The following EPHA3 variants were observed in gnomAD, a reference collection of about 807,000 sequenced individuals.
The protein encoded by EPHA3 is EPH receptor A3.
A neutral mutation model predicts 107.1 loss-of-function variants in EPHA3; 42 were observed. That is an observed-to-expected ratio of 0.39 (90% CI 0.31 to 0.51). The LOEUF is 0.51. EPHA3 is among the 20% of genes least tolerant of loss of function. The pLI, the probability that EPHA3 is intolerant of heterozygous loss-of-function variation, is 0.78. For missense variants in EPHA3, 1,183 were observed against 1,211.2 expected (o/e 0.98, Z 0.35); for synonymous variants, 461 against 424.8 (o/e 1.09, Z -1.05).
chr3:89,350,982 C>A (rs1707800797), intron 5 of EPHA3, among the ~76,000 whole-genome samples: 1 of 151,488 alleles, frequency 6.6e-6, no homozygotes, highest in African/African-American at 2.4e-5. Flanking sequence ...GTTCTCAGAT[C>A]TCCAGCTGCG....
At chr3:89,147,827 A>G (rs1383645930) in intron 2 of EPHA3, among the ~76,000 whole-genome samples, 2 of 151,992 alleles carry the variant, frequency 1.3e-5, no homozygotes, top group Non-Finnish European at 1.5e-5. Context: ...AAAATGACTC[A>G]TATATTAGTG....
At chr3:89,351,086 C>T (rs981949139) in intron 5 of EPHA3, among the ~76,000 whole-genome samples, 1 of 151,258 alleles carries the variant, frequency 6.6e-6, no homozygotes, top group Non-Finnish European at 1.5e-5. Context: ...CTTTGCCCTG[C>T]CCCCAGAGGT....
At chr3:89,290,740 G>C (rs1357321067) in intron 3 of EPHA3, among the ~76,000 whole-genome samples, 1 of 152,004 alleles carries the variant, frequency 6.6e-6, no homozygotes, top group Admixed American at 6.6e-5. Flanking sequence ...TATTGTCACT[G>C]TGTGAGTTTT....
chr3:89,360,596 A>G (rs1252162421), intron 5 of EPHA3, among the ~76,000 whole-genome samples: 3 of 150,746 alleles, frequency 2.0e-5, no homozygotes, highest in Admixed American at 6.7e-5. Context: ...CAAGAATCTC[A>G]CCACTTCTTA....
chr3:89,218,160 T>G (rs1408041720), intron 3 of EPHA3, among the ~76,000 whole-genome samples: 2 of 151,644 alleles, frequency 1.3e-5, no homozygotes, highest in African/African-American at 4.9e-5. Context: ...ATTATTATGC[T>G]TTAAGTTTTA....
In EPHA3 at chr3:89,237,132, C is replaced by T. The variant is rs185834560; in HGVS notation, c.814+26612C>T. On this transcript the variant is annotated intron_variant, in intron 3 of 16. Coordinates refer to ENST00000336596, the MANE Select transcript of EPHA3 (RefSeq NM_005233.6). Reference sequence around the variant, plus strand: ...ATCCCAGCACTTTGGGAGGCCAAGGCGGTTGGATCACTTGAGGCCACGAGT... The same window carrying T: ...ATCCCAGCACTTTGGGAGGCCAAGGTGGTTGGATCACTTGAGGCCACGAGT... Among the ~76,000 whole-genome samples, 10 of 152,286 alleles carry T rather than the reference C, an allele frequency of 6.6e-5. No individual in the cohort carries two copies. The South Asian group carries it at 1.9e-3, about 28-fold the overall frequency.
intron 7 of EPHA3, among the ~76,000 whole-genome samples, chr3:89,404,550 T>C (rs1463436162): frequency 2.0e-5 from 3 of 152,164 alleles, no homozygotes; most frequent in South Asian, 2.1e-4. Flanking sequence ...TCAAGTTGAA[T>C]TATTAAGAAA....
At chr3:89,328,221 T>G (rs1322615128) in intron 3 of EPHA3, among the ~76,000 whole-genome samples, 1 of 152,222 alleles carries the variant, frequency 6.6e-6, no homozygotes, top group Non-Finnish European at 1.5e-5. Context: ...TGCTTTATTT[T>G]TTCCCTCTAC....
intron 7 of EPHA3, among the ~76,000 whole-genome samples, chr3:89,406,378 A>T (rs1208433299): frequency 6.6e-6 from 1 of 152,136 alleles, no homozygotes; most frequent in Non-Finnish European, 1.5e-5. Flanking sequence ...AAGTTTGAGA[A>T]GCATTGGTCT....
chr3:89,153,584 T>A, intron 2 of EPHA3, among the ~76,000 whole-genome samples: 1 of 152,032 alleles, frequency 6.6e-6, no homozygotes, highest in East Asian at 1.9e-4. Flanking sequence ...GTGGTGGCAA[T>A]TCTTGTTGAC....
intron 13 of EPHA3, 48 bp from the exon 14 acceptor site, chr3:89,449,177 A>G (rs567531520): frequency 2.7e-5 from 41 of 1,503,756 alleles, no homozygotes; most frequent in Non-Finnish European, 3.7e-5. Flanking sequence ...TGTATATTAT[A>G]TGTTCTATGC....
At chr3:89,135,186 C>G (rs536964319) in intron 2 of EPHA3, among the ~76,000 whole-genome samples, 4 of 152,262 alleles carry the variant, frequency 2.6e-5, no homozygotes, top group Admixed American at 2.6e-4. Context: ...GACCTCCTGA[C>G]TTTTCACAAG....
chr3:89,389,993 T>C (rs767892505), intron 5 of EPHA3, among the ~76,000 whole-genome samples: 3 of 151,658 alleles, frequency 2.0e-5, no homozygotes, highest in Non-Finnish European at 4.4e-5. Flanking sequence ...AATTATTAAC[T>C]TTTTTTAAAT....
chr3:89,448,349 G>A (rs1398002054), intron 13 of EPHA3, among the ~76,000 whole-genome samples: 1 of 152,082 alleles, frequency 6.6e-6, no homozygotes, highest in African/African-American at 2.4e-5. Flanking sequence ...GTTTTTCAGA[G>A]TAACTCATTA....
intron 1 of EPHA3, among the ~76,000 whole-genome samples, chr3:89,125,293 T>A (rs1366051017): frequency 6.6e-6 from 1 of 151,802 alleles, no homozygotes; most frequent in African/African-American, 2.4e-5. Flanking sequence ...AAATCCCATA[T>A]AAAGCTCAGA....
At chr3:89,109,102 C>G (rs1169641180) in intron 1 of EPHA3, among the ~76,000 whole-genome samples, 1 of 152,034 alleles carries the variant, frequency 6.6e-6, no homozygotes, top group African/African-American at 2.4e-5. Flanking sequence ...GCTAATAGAG[C>G]AGTAATTTAT....
chr3:89,185,246 T>C (rs1705535979), intron 2 of EPHA3, among the ~76,000 whole-genome samples: 1 of 152,046 alleles, frequency 6.6e-6, no homozygotes. Flanking sequence ...TTATTTTCTT[T>C]TAAAATATCA....
chr3:89,353,055 TA>T lies in EPHA3; in HGVS notation c.1306+10966del, dbSNP rs1272162354. On this transcript the variant is annotated intron_variant, in intron 5 of 16. Coordinates refer to ENST00000336596, the MANE Select transcript of EPHA3 (RefSeq NM_005233.6). ...CTTATTTTTCTTTTGGAACTTAGTG[TA>T]TGTAGATATGACAAAGAAATAACTC... Among the ~76,000 whole-genome samples the T allele has an allele frequency of 2.0e-5, 3 of 151,362 alleles. No individual in the cohort carries two copies. The East Asian group carries it at 5.8e-4, about 29-fold the overall frequency.
chr3:89,109,786 G>C lies in EPHA3; in HGVS notation c.88+1950G>C, dbSNP rs572374887. Among the ~76,000 whole-genome samples the C allele has an allele frequency of 1.2e-3, 177 of 152,098 alleles. 2 individuals carry two copies. Among genetic ancestry groups the C allele is most frequent in the African/African-American group, 4.0e-3 (166 of 41,564 alleles). ...GAAAGGTAAATATATTCAGAAAGCT[G>C]ACATAATTGCATTTAATTTGCTTGG... On this transcript the variant is annotated intron_variant, in intron 1 of 16. Coordinates refer to ENST00000336596, the MANE Select transcript of EPHA3 (RefSeq NM_005233.6).
Sources: gnomAD v4.1 joint callset for allele counts (sites outside exome capture counted in the v4.1 genomes callset) on GRCh38, gnomAD v4.1.1 for gene constraint, MANE v1.5 for transcripts, NCBI Gene and HGNC (gene_info 2026-07-23, HGNC 2026-07-21) for gene names.